Variants in TMEM132D observed in about 807,000 individuals in gnomAD.
The protein encoded by TMEM132D is transmembrane protein 132D.
In TMEM132D, 21 loss-of-function variants were observed where a neutral mutation model predicts 62.3. That is an observed-to-expected ratio of 0.34 (90% confidence interval 0.24 to 0.49). The LOEUF (loss-of-function observed/expected upper bound fraction) is 0.49. Among genes scored for constraint, TMEM132D ranks in the 20% least tolerant of loss-of-function variants. The pLI, the probability that TMEM132D is intolerant of heterozygous loss-of-function variation, is 0.99. For missense variants in TMEM132D, 1,346 were observed against 1,402.8 expected (o/e 0.96, Z 0.65); for synonymous variants, 621 against 575.6 (o/e 1.08, Z -1.13).
At chr12:129,642,946 C>T (rs1048918587) in intron 2 of TMEM132D, among the ~76,000 whole-genome samples, 9 of 93,676 alleles carry the variant, frequency 9.6e-5, no homozygotes, top group African/African-American at 2.6e-4. Context: ...TTTTTTGAGA[C>T]GGAGTTTCAC....
chr12:129,083,986 G>A lies in TMEM132D; in HGVS notation c.1649+511C>T, dbSNP rs553270509. Among the ~76,000 whole-genome samples, 12 of 152,302 alleles carry A rather than the reference G, an allele frequency of 7.9e-5. No individual in the cohort carries two copies. In the South Asian group the frequency reaches 1.0e-3, roughly 13 times the overall value. On this transcript the variant is annotated intron_variant, in intron 6 of 8. Transcript: ENST00000422113. ...GAGCTCAGAGCTTCTGGACTGGAGC[G>A]CAGAGAGGCAGTTCAGGTCAGGTTG...
chr12:129,451,801 A>G (rs1593014670), intron 3 of TMEM132D, among the ~76,000 whole-genome samples: 1 of 152,156 alleles, frequency 6.6e-6, no homozygotes, highest in Admixed American at 6.5e-5. Flanking sequence ...ACTGAAAACT[A>G]TCCCTCTAGA....
At chr12:129,162,188 A>G (rs975863591) in intron 5 of TMEM132D, among the ~76,000 whole-genome samples, 1 of 152,150 alleles carries the variant, frequency 6.6e-6, no homozygotes, top group Admixed American at 6.6e-5. Context: ...CCCTAATCTG[A>G]TAGGACTGAT....
At chr12:129,356,653 ACAAT>A (rs1353623238) in intron 3 of TMEM132D, among the ~76,000 whole-genome samples, 1 of 50,508 alleles carries the variant, frequency 2.0e-5, no homozygotes, top group African/African-American at 8.0e-5. Flanking sequence ...CCCTGTCTCT[ACAAT>A]AAATAAATAA....
In TMEM132D at chr12:129,561,512, A is replaced by G. The variant is rs573277803; in HGVS notation, c.969-30307T>C. 3.6e-3 allele frequency among the ~76,000 whole-genome samples: 545 copies of G among 152,320 alleles called. 6 individuals are homozygous for G. Among genetic ancestry groups the G allele is most frequent in the Non-Finnish European group, 6.0e-3 (405 of 68,032 alleles). On this transcript the variant is annotated intron_variant, in intron 2 of 8. Coordinates refer to ENST00000422113, the MANE Select transcript of TMEM132D (RefSeq NM_133448.3). ...ACTGATTGAAAATCCACAGCAGACAAGAATTGGGACTCCCCGAGATAGTGC... is the reference window on the plus strand; with the variant it reads ...ACTGATTGAAAATCCACAGCAGACAGGAATTGGGACTCCCCGAGATAGTGC...
chr12:129,794,257 T>TTTC (rs1409095034), intron 1 of TMEM132D, among the ~76,000 whole-genome samples: 2 of 133,518 alleles, frequency 1.5e-5, no homozygotes, highest in Non-Finnish European at 3.0e-5. Flanking sequence ...CCCAGCATTT[T>TTTC]TTTTTTTTTT....
chr12:129,245,554 C>CTT (rs71449399), intron 4 of TMEM132D, among the ~76,000 whole-genome samples: 12,277 of 146,750 alleles, frequency 0.084, 587 homozygotes, highest in African/African-American at 0.13. Flanking sequence ...TATATTAGAA[C>CTT]TTTTTTTTTT....
At chr12:129,239,510 C>G (rs1482013532) in intron 4 of TMEM132D, among the ~76,000 whole-genome samples, 6 of 152,166 alleles carry the variant, frequency 3.9e-5, no homozygotes, top group Non-Finnish European at 8.8e-5. Flanking sequence ...TTCTAACCCT[C>G]AGTACCTTTG....
chr12:129,505,455 G>C (rs943088340), intron 3 of TMEM132D, among the ~76,000 whole-genome samples: 2 of 152,120 alleles, frequency 1.3e-5, no homozygotes, highest in African/African-American at 4.8e-5. Context: ...ATGTTAGCCA[G>C]GATGGTCTTG....
chr12:129,861,889 T>C (rs1873911765), intron 1 of TMEM132D, among the ~76,000 whole-genome samples: 1 of 152,118 alleles, frequency 6.6e-6, no homozygotes, highest in Non-Finnish European at 1.5e-5. Context: ...TTTCAGGCTT[T>C]TGCATTTCTG....
chr12:129,586,140 C>T (rs1878024369), intron 2 of TMEM132D, among the ~76,000 whole-genome samples: 1 of 152,170 alleles, frequency 6.6e-6, no homozygotes, highest in African/African-American at 2.4e-5. Context: ...CCTCCATTCA[C>T]AGGACTACGA....
chr12:129,234,125 T>G (rs899760126), intron 4 of TMEM132D, among the ~76,000 whole-genome samples: 1 of 152,206 alleles, frequency 6.6e-6, no homozygotes, highest in African/African-American at 2.4e-5. Flanking sequence ...TTTAGAAAAC[T>G]TCATAAAAGT....
intron 1 of TMEM132D, chr12:129,852,156 G>C (rs1873564162): frequency 6.6e-6 from 1 of 152,164 alleles, no homozygotes; most frequent in Non-Finnish European, 1.5e-5. Flanking sequence ...CCTAATACCT[G>C]TTACTTCTAG....
chr12:129,623,708 C>T (rs1377642635), intron 2 of TMEM132D, among the ~76,000 whole-genome samples: 4 of 142,556 alleles, frequency 2.8e-5, no homozygotes, highest in African/African-American at 8.3e-5. Context: ...TATATACATA[C>T]ATATGCATAT....
chr12:129,783,915 G>A (rs1257753884), intron 1 of TMEM132D, among the ~76,000 whole-genome samples: 13 of 152,142 alleles, frequency 8.5e-5, no homozygotes, highest in Non-Finnish European at 1.6e-4. Flanking sequence ...CATTCTAAAC[G>A]ATCATCACAT....
intron 1 of TMEM132D, among the ~76,000 whole-genome samples, chr12:129,732,281 C>T (rs1415015076): frequency 6.6e-6 from 1 of 152,174 alleles, no homozygotes; most frequent in African/African-American, 2.4e-5. Context: ...TTGGGATTTT[C>T]TGGGTGATAG....
At chr12:129,567,796 G>A (rs913680974) in intron 2 of TMEM132D, among the ~76,000 whole-genome samples, 7 of 151,866 alleles carry the variant, frequency 4.6e-5, no homozygotes, top group Admixed American at 2.6e-4. Flanking sequence ...TTTATAATAT[G>A]GTGCACATCT....
chr12:129,289,566 A>AAAAAAG (rs1566023041), intron 4 of TMEM132D, among the ~76,000 whole-genome samples: 15 of 144,774 alleles, frequency 1.0e-4, no homozygotes, highest in East Asian at 8.7e-4. Context: ...AAAAAAAAAG[A>AAAAAAG]AAAAAAAGAA....
chr12:129,591,739 T>C (rs1424737778), intron 2 of TMEM132D, among the ~76,000 whole-genome samples: 1 of 152,058 alleles, frequency 6.6e-6, no homozygotes, highest in Non-Finnish European at 1.5e-5. Context: ...AGGGGGATTA[T>C]TTGCAAATAC....
Sources: allele counts gnomAD v4.1 joint callset (sites outside exome capture counted in the v4.1 genomes callset), GRCh38; gene constraint gnomAD v4.1.1; transcripts MANE v1.5; gene names NCBI Gene and HGNC (gene_info 2026-07-23, HGNC 2026-07-21).